APMAP: variants seen among roughly 807,000 people sequenced by gnomAD.
APMAP encodes adipocyte plasma membrane associated protein.
Under a neutral mutation model 43.6 loss-of-function variants are expected in APMAP, and 33 were observed. That is an observed-to-expected ratio of 0.76 (90% CI 0.57 to 1.01). The LOEUF (loss-of-function observed/expected upper bound fraction) is 1.01, where lower values mean the gene tolerates loss of function less well. Among genes scored for constraint, APMAP ranks in the 50% least tolerant of loss-of-function variants. The pLI, the probability that APMAP is intolerant of heterozygous loss-of-function variation, is 0.00. For missense variants in APMAP, 498 were observed against 540.7 expected (o/e 0.92, Z 0.78); for synonymous variants, 224 against 216.7 (o/e 1.03, Z -0.30).
chr20:24,973,192 T>A (rs1275440963), intron 4 of APMAP, among the ~76,000 whole-genome samples: 1 of 152,230 alleles, frequency 6.6e-6, no homozygotes, highest in African/African-American at 2.4e-5. Flanking sequence ...TCTACTCTAG[T>A]TTTCCAAAAT....
intron 5 of APMAP, 53 bp downstream of exon 5, chr20:24,971,407 T>C: frequency 6.8e-7 from 1 of 1,473,048 alleles, no homozygotes; most frequent in South Asian, 1.1e-5. Flanking sequence ...CATACATATA[T>C]TGTTTAAAAG....
chr20:24,968,170 T>C (rs902294768), intron 8 of APMAP, among the ~76,000 whole-genome samples: 2 of 152,176 alleles, frequency 1.3e-5, no homozygotes, highest in African/African-American at 4.8e-5. Context: ...CCCTCCACAG[T>C]GTAAACGTGC....
In APMAP at chr20:24,992,693, C is replaced by G. The variant is rs1315413267; in HGVS notation, c.-5G>C. On this transcript the variant is annotated 5_prime_UTR_variant, in exon 1 of 9. Coordinates refer to ENST00000217456, the MANE Select transcript of APMAP (RefSeq NM_020531.3). ...CAGCCCGTCCGCCTCGCTCATGGTA[C>G]GGGCGCCAGCCTCACCCGCAGAAAC... 2 of 1,514,530 alleles carry G rather than the reference C, an allele frequency of 1.3e-6. No homozygotes were observed. The highest frequency in any genetic ancestry group is 5.1e-5 in the East Asian group (2 of 38,890). 93.8% of individuals were successfully genotyped at this position (1,514,530 alleles called of 1,614,324 possible). A position where few individuals can be genotyped will look rare whatever the true frequency, so the allele number is the denominator to read the frequency against.
intron 3 of APMAP, among the ~76,000 whole-genome samples, chr20:24,977,206 C>T (rs2088057320): frequency 6.6e-6 from 1 of 152,236 alleles, no homozygotes; most frequent in Non-Finnish European, 1.5e-5. Flanking sequence ...GATGTGAGTA[C>T]ATCACTTGTA....
intron 4 of APMAP, 22 bp from the exon 5 acceptor site, chr20:24,971,598 G>T (rs114478114): frequency 1.3e-6 from 2 of 1,594,432 alleles, no homozygotes; most frequent in African/African-American, 2.7e-5. Flanking sequence ...AACAGATGGG[G>T]ATTGGTAGCT....
chr20:24,984,412 C>T (rs774233292), intron 1 of APMAP, among the ~76,000 whole-genome samples: 24 of 152,282 alleles, frequency 1.6e-4, no homozygotes, highest in Middle Eastern at 3.4e-3. Context: ...TCAAAAGCTA[C>T]GCATTCCCGG....
intron 2 of APMAP, among the ~76,000 whole-genome samples, chr20:24,981,043 A>G (rs1253664034): frequency 2.0e-5 from 3 of 152,242 alleles, no homozygotes; most frequent in East Asian, 3.8e-4. Flanking sequence ...ATCAGAGAAC[A>G]GGCAGACCAG....
chr20:24,968,381 G>A (rs923664398), intron 8 of APMAP, among the ~76,000 whole-genome samples: 1 of 152,240 alleles, frequency 6.6e-6, no homozygotes, highest in African/African-American at 2.4e-5. Context: ...CTGGCAGTGA[G>A]GCTGCAAGAA....
At position 24,992,697 on chromosome 20, in the gene APMAP, C is replaced by A. The variant is rs113589394; in HGVS notation, c.-9G>T. ...CCGTCCGCCTCGCTCATGGTACGGG[C>A]GCCAGCCTCACCCGCAGAAACCACC... On this transcript the variant is annotated 5_prime_UTR_variant, in exon 1 of 9. Transcript: ENST00000217456. The A allele has an allele frequency of 1.6e-5, 24 of 1,509,064 alleles. No homozygotes were observed. Among genetic ancestry groups the A allele is most frequent in the African/African-American group, 4.2e-5 (3 of 71,292 alleles). 93.5% of individuals were successfully genotyped at this position (1,509,064 alleles called of 1,614,324 possible).
intron 1 of APMAP, among the ~76,000 whole-genome samples, chr20:24,989,673 AT>A (rs34526885): frequency 0.035 from 5,328 of 152,212 alleles, 334 homozygotes; most frequent in African/African-American, 0.12. Context: ...GAATTTGTTC[AT>A]TTTTCACAAT....
intron 1 of APMAP, among the ~76,000 whole-genome samples, chr20:24,986,623 G>A (rs62215128): frequency 0.092 from 14,029 of 152,292 alleles, 745 homozygotes; most frequent in Middle Eastern, 0.19. Context: ...GCAGGGAAAG[G>A]AGTAAGGGCC....
chr20:24,973,667 G>A lies in APMAP; in HGVS notation c.399C>T (p.Ala133=), dbSNP rs148400044. 1.2e-6 allele frequency: 2 copies of A among 1,613,956 alleles called. No individual in the cohort carries two copies. Among genetic ancestry groups the A allele is most frequent in the Non-Finnish European group, 8.5e-7 (1 of 1,179,954 alleles). The change falls in exon 4 of 9, where the codon GCC becomes GCT. Residue 133 remains alanine, a synonymous_variant. Coordinates refer to ENST00000217456, the MANE Select transcript of APMAP (RefSeq NM_020531.3). ...KLENGEIETI[A]RFGSGPCKTR... ...TACTGCAAGGGCCCGAACCAAACCG[G>A]GCAATGGTCTCTATTTCACCATTTT...
Position 24,984,326 on chromosome 20 carries a change from C to T in APMAP, c.96-307G>A, listed in dbSNP as rs997021350. Among the ~76,000 whole-genome samples the T allele has an allele frequency of 2.0e-5, 3 of 152,264 alleles. No individual in the cohort carries two copies. The East Asian group carries it at 5.8e-4, about 29-fold the overall frequency. On this transcript the variant is annotated intron_variant, in intron 1 of 8. Transcript: ENST00000217456. ...AAGGCAAACTCAAAGAACTGATGAA[C>T]ACAAAATGTAATGGGGAAAAAGAGT...
intron 8 of APMAP, among the ~76,000 whole-genome samples, chr20:24,964,821 GAAT>G: frequency 6.6e-6 from 1 of 152,098 alleles, no homozygotes; most frequent in East Asian, 1.9e-4. Context: ...AGTGTCCAAC[GAAT>G]AATGTCTCCC....
chr20:24,982,061 C>G (rs1221502245), intron 2 of APMAP, among the ~76,000 whole-genome samples: 3 of 152,212 alleles, frequency 2.0e-5, no homozygotes, highest in African/African-American at 7.2e-5. Context: ...TTGAGTGTGC[C>G]ATGCCAAAAG....
chr20:24,969,178 T>C (rs2122488188), intron 7 of APMAP, 94 bp from the exon 8 acceptor site: 2 of 1,258,028 alleles, frequency 1.6e-6, no homozygotes, highest in Non-Finnish European at 1.1e-6. Context: ...GGTCCAAATA[T>C]ATATATGGAA....
intron 1 of APMAP, among the ~76,000 whole-genome samples, chr20:24,984,867 A>G (rs181168421): frequency 2.0e-3 from 306 of 152,350 alleles, no homozygotes; most frequent in Admixed American, 3.3e-3. Context: ...GCTTACATGA[A>G]TTGAACTCAA....
In APMAP at chr20:24,978,638, C is replaced by T. The variant is rs1028506228; in HGVS notation, c.328+129G>A. On this transcript the variant is annotated intron_variant, in intron 3 of 8. Transcript: ENST00000217456. ...ATGTCTGAGGGCCAAGTCCCACGTCCGCAGCTAAGAAGGATGTGCAGGGCC... is the reference window on the plus strand; with the variant it reads ...ATGTCTGAGGGCCAAGTCCCACGTCTGCAGCTAAGAAGGATGTGCAGGGCC... 51 of 708,570 alleles carry T rather than the reference C, an allele frequency of 7.2e-5. No homozygotes were observed. In the African/African-American group the frequency reaches 7.7e-4, roughly 11 times the overall value. The allele number at this position is 708,570 out of a possible 1,614,324, so 43.9% of individuals were successfully genotyped here.
chr20:24,982,273 T>TCAGC (rs2088111510), intron 2 of APMAP, among the ~76,000 whole-genome samples: 1 of 41,414 alleles, frequency 2.4e-5, no homozygotes, highest in Non-Finnish European at 4.0e-5. Context: ...TTGGCTGTGA[T>TCAGC]GGTTCCACTG....
Sources: gnomAD v4.1 joint callset for allele counts (sites outside exome capture counted in the v4.1 genomes callset) on GRCh38, gnomAD v4.1.1 for gene constraint, MANE v1.5 for transcripts, NCBI Gene and HGNC (gene_info 2026-07-23, HGNC 2026-07-21) for gene names.